ARAP2: variants seen among roughly 807,000 people sequenced by gnomAD.
ARAP2 encodes the protein ArfGAP with RhoGAP domain, ankyrin repeat and PH domain 2, also known as arf-GAP with Rho-GAP domain, ANK repeat and PH domain-containing protein 2.
A neutral mutation model predicts 194.5 loss-of-function variants in ARAP2; 148 were observed. The observed-to-expected ratio is 0.76, with a 90% confidence interval of 0.67 to 0.87. The LOEUF (loss-of-function observed/expected upper bound fraction) is 0.87, where lower values mean the gene tolerates loss of function less well. Among genes scored for constraint, ARAP2 ranks in the 40% least tolerant of loss-of-function variants. The pLI is 0.00. For synonymous variants in ARAP2, 695 were observed against 683.5 expected, an observed-to-expected ratio of 1.02 and a Z score of -0.26; for missense variants, 2,128 against 1,989.7, an observed-to-expected ratio of 1.07 and a Z score of -1.32.
At chr4:36,183,402 C>T (rs542485788) in intron 8 of ARAP2, among the ~76,000 whole-genome samples, 14 of 152,136 alleles carry the variant, frequency 9.2e-5, no homozygotes, top group South Asian at 2.1e-4. Context: ...ATGTTTCCCA[C>T]GGGGTCTAGA....
At chr4:36,093,252 G>A (rs1243315692) in intron 27 of ARAP2, among the ~76,000 whole-genome samples, 3 of 151,990 alleles carry the variant, frequency 2.0e-5, no homozygotes, top group African/African-American at 4.8e-5. Context: ...GTAACTGATA[G>A]GTACTAGGCT....
At position 36,177,918 on chromosome 4, in the gene ARAP2, T is replaced by A; in HGVS notation, c.1766A>T (p.Glu589Val). The A allele has an allele frequency of 6.2e-7, 1 of 1,613,732 alleles. No individual in the cohort carries two copies. Among genetic ancestry groups the A allele is most frequent in the South Asian group, 1.1e-5 (1 of 91,050 alleles). Residue 589 changes from glutamate (E) to valine (V), a missense_variant, in exon 9 of 33, where the codon GAG becomes GTG. Physicochemically the swap from Glu to Val is moderately radical, Grantham distance 121. Transcript: ENST00000303965. ...TCTCAATTCAAGATATCCACATTTCTCAGGTGTAACAACAGCTTGAGACTG... is the reference window on the plus strand; with the variant it reads ...TCTCAATTCAAGATATCCACATTTCACAGGTGTAACAACAGCTTGAGACTG... ...TSQSQAVVTP[E>V]KCGYLELRGY...
chr4:36,037,109 C>T (rs1299281468), intron 5 of ARAP2, among the ~76,000 whole-genome samples: 1 of 152,142 alleles, frequency 6.6e-6, no homozygotes, highest in East Asian at 1.9e-4. Context: ...GAAAGCACTT[C>T]AAGACCTCCA....
chr4:36,071,446 A>T (rs1432982052), intron 32 of ARAP2, among the ~76,000 whole-genome samples: 1 of 152,150 alleles, frequency 6.6e-6, no homozygotes, highest in Admixed American at 6.6e-5. Flanking sequence ...AACTTGGCAT[A>T]TTCAGCTGGC....
chr4:36,147,485 C>A, intron 18 of ARAP2, 63 bp downstream of exon 18: 1 of 1,570,318 alleles, frequency 6.4e-7, no homozygotes, highest in Non-Finnish European at 8.7e-7. Context: ...TTACTAAAGG[C>A]TATCACTATT....
At chr4:36,054,554 A>T (rs1036356011) in intron 2 of ARAP2, among the ~76,000 whole-genome samples, 1 of 152,222 alleles carries the variant, frequency 6.6e-6, no homozygotes, top group African/African-American at 2.4e-5. Flanking sequence ...GATTTTAATT[A>T]TAATTCAGGG....
chr4:36,012,129 C>T lies in ARAP2; in HGVS notation n.1325+434G>A, dbSNP rs193240435. 8.5e-3 allele frequency among the ~76,000 whole-genome samples: 1,295 copies of T among 152,148 alleles called. 19 individuals are homozygous for T. The highest frequency in any genetic ancestry group is 7.5e-3 in the South Asian group (36 of 4,816). On this transcript the variant is annotated intron_variant and non_coding_transcript_variant, in intron 9 of 12. Transcript: ENST00000503225. The stretch of plus-strand genomic sequence containing the variant: ...TAGAATGTGTAAATTAAAATGTCTA[C>T]GATTCTTCATAATATGTCAGTTGTG...
At chr4:36,106,261 TAAG>T (rs1173981129) in intron 27 of ARAP2, among the ~76,000 whole-genome samples, 1 of 151,864 alleles carries the variant, frequency 6.6e-6, no homozygotes, top group Non-Finnish European at 1.5e-5. Context: ...TTGCAAACAT[TAAG>T]AAGGCACAGG....
chr4:36,124,585 G>A (rs1723427841), intron 22 of ARAP2, among the ~76,000 whole-genome samples: 1 of 151,868 alleles, frequency 6.6e-6, no homozygotes, highest in Non-Finnish European at 1.5e-5. Flanking sequence ...TCTTGTTACA[G>A]AATTCTGGTC....
In ARAP2 at chr4:36,131,004, A is replaced by C. The variant is rs183729952; in HGVS notation, c.3427+2222T>G. ...ACTTTTTAAAAATTAAAGCCCTAAG[A>C]GTCATACTATGAACTCAGTCAAGTT... On this transcript the variant is annotated intron_variant, in intron 20 of 32. Coordinates refer to ENST00000303965, the MANE Select transcript of ARAP2 (RefSeq NM_015230.4). Among the ~76,000 whole-genome samples the C allele has an allele frequency of 7.2e-4, 109 of 151,974 alleles. 2 individuals carry two copies. In the East Asian group the frequency reaches 0.016, roughly 23 times the overall value.
intron 3 of ARAP2, among the ~76,000 whole-genome samples, chr4:36,049,395 T>TA (rs1314420298): frequency 6.6e-6 from 1 of 152,300 alleles, no homozygotes; most frequent in East Asian, 1.9e-4. Context: ...CTGTTCTCAT[T>TA]GTTCTAAATG....
Position 36,201,666 on chromosome 4 carries a change from T to C in ARAP2, c.1488-8019A>G, listed in dbSNP as rs73127493. Among the ~76,000 whole-genome samples, 941 of 152,304 alleles carry C rather than the reference T, an allele frequency of 6.2e-3. 12 individuals carry two copies. The highest frequency in any genetic ancestry group is 0.022 in the African/African-American group (896 of 41,570). On this transcript the variant is annotated intron_variant, in intron 6 of 32. Coordinates refer to ENST00000303965, the MANE Select transcript of ARAP2 (RefSeq NM_015230.4). ...TTCACCATCTGGTATCAGTTTTTGT[T>C]GTCTCAAAATGTGTTTCTTAAAAAT...
At chr4:36,083,836 G>T (rs1730191092) in intron 28 of ARAP2, among the ~76,000 whole-genome samples, 1 of 152,088 alleles carries the variant, frequency 6.6e-6, no homozygotes, top group Admixed American at 6.6e-5. Context: ...TGTGAGTGTT[G>T]CCAAAGGAAA....
At chr4:36,082,889 C>A (rs1729902503) in intron 29 of ARAP2, among the ~76,000 whole-genome samples, 1 of 152,078 alleles carries the variant, frequency 6.6e-6, no homozygotes, top group East Asian at 1.9e-4. Flanking sequence ...CGCTTACATG[C>A]TATGATGGGT....
At chr4:36,135,588 T>C (rs1161596231) in intron 19 of ARAP2, among the ~76,000 whole-genome samples, 1 of 151,836 alleles carries the variant, frequency 6.6e-6, no homozygotes, top group African/African-American at 2.4e-5. Context: ...ACACCTGACA[T>C]GCTACAGCCT....
chr4:36,091,747 A>C, intron 28 of ARAP2, 134 bp downstream of exon 28: 1 of 1,005,534 alleles, frequency 9.9e-7, no homozygotes, highest in Non-Finnish European at 1.4e-6. Flanking sequence ...CCATAGGCTG[A>C]AGCAAATCAT....
chr4:36,160,661 AC>A lies in ARAP2; in HGVS notation c.2260-21del. 7.0e-7 allele frequency: 1 copy of A among 1,431,130 alleles called. No individual in the cohort carries two copies. 88.7% of individuals were successfully genotyped at this position (1,431,130 alleles called of 1,614,324 possible). A position where few individuals can be genotyped will look rare whatever the true frequency, so the allele number is the denominator to read the frequency against. On this transcript the variant is annotated intron_variant, in intron 12 of 32. Coordinates refer to ENST00000303965, the MANE Select transcript of ARAP2 (RefSeq NM_015230.4). ...AAAAAGCTGAATTGTCAAAAAAAAA[AC>A]CCCATAATATATCAGTTCATAAAAT...
intron 1 of ARAP2, among the ~76,000 whole-genome samples, chr4:36,239,192 C>T (rs1753030612): frequency 6.6e-6 from 1 of 151,742 alleles, no homozygotes; most frequent in Non-Finnish European, 1.5e-5. Context: ...ATGAGAATCG[C>T]TTGAACCCAG....
At chr4:36,064,955 A>C (rs1342502437), downstream of ARAP2, 1 of 160,144 alleles carries the variant, frequency 6.2e-6, no homozygotes, top group African/African-American at 2.4e-5. Flanking sequence ...TGAGGAGTCC[A>C]AGAACAGACA....
Sources: gnomAD v4.1 joint callset for allele counts (sites outside exome capture counted in the v4.1 genomes callset) on GRCh38, gnomAD v4.1.1 for gene constraint, MANE v1.5 for transcripts, NCBI Gene and HGNC (gene_info 2026-07-23, HGNC 2026-07-21) for gene names.